LONRF3: variants seen among roughly 807,000 people sequenced by gnomAD.
LONRF3 encodes LON peptidase N-terminal domain and ring finger 3.
A neutral mutation model predicts 51.7 loss-of-function variants in LONRF3; 19 were observed. That is an observed-to-expected ratio of 0.37 (90% CI 0.26 to 0.54). The LOEUF (loss-of-function observed/expected upper bound fraction) is 0.54. Ranked by LOEUF, LONRF3 falls within the 20% of genes least tolerant of loss-of-function variation. LONRF3 has a pLI of 0.86. For missense variants in LONRF3, 521 were observed against 623.9 expected (o/e 0.84, Z 1.76); for synonymous variants, 265 against 257.8 (o/e 1.03, Z -0.27).
intron 2 of LONRF3, among the ~76,000 whole-genome samples, chrX:118,982,461 A>C (rs927372834): frequency 9.9e-5 from 11 of 111,549 alleles, no homozygotes; most frequent in African/African-American, 3.6e-4. Context: ...GCTGGTTAGC[A>C]TGTGGTCAAA....
intron 3 of LONRF3, 125 bp downstream of exon 3, chrX:118,983,068 T>C: frequency 1.4e-6 from 1 of 694,389 alleles, no homozygotes; most frequent in Non-Finnish European, 2.1e-6. Flanking sequence ...GTTCCCTGGG[T>C]TAAGGGGACA....
chrX:118,986,419 G>T (rs1922971337), intron 3 of LONRF3, among the ~76,000 whole-genome samples: 1 of 111,538 alleles, frequency 9.0e-6, no homozygotes, highest in South Asian at 3.8e-4. Flanking sequence ...GAAGCAAAAT[G>T]GGTAGTGGAG....
At chrX:118,993,105 C>A (rs1339186621) in intron 5 of LONRF3, among the ~76,000 whole-genome samples, 1 of 89,442 alleles carries the variant, frequency 1.1e-5, no homozygotes, top group Non-Finnish European at 2.2e-5. Flanking sequence ...TATGACAAAA[C>A]AAGGTTATTC....
intron 5 of LONRF3, among the ~76,000 whole-genome samples, chrX:118,998,525 T>C (rs1419445644): frequency 1.8e-5 from 2 of 110,912 alleles, no homozygotes; most frequent in African/African-American, 6.6e-5. Context: ...GCTCGGGTGA[T>C]GGTGCACCAA....
At chrX:118,984,551 T>C (rs780665519) in intron 3 of LONRF3, among the ~76,000 whole-genome samples, 1 of 112,274 alleles carries the variant, frequency 8.9e-6, no homozygotes, top group East Asian at 2.8e-4. Flanking sequence ...TCCAGTCTGC[T>C]TTTATAGAGA....
Position 119,009,288 on chromosome X carries a change from G to A in LONRF3, c.1652+41G>A, listed in dbSNP as rs148508913. On this transcript the variant is annotated intron_variant, in intron 7 of 10. Transcript: ENST00000371628. ...TTTCTGTTTTGTTTCACTCATACCA[G>A]CTCAATGAGAGCTGAATGTGCACAT... 388 of 1,141,559 alleles carry A rather than the reference G, an allele frequency of 3.4e-4. 3 individuals carry two copies. In the East Asian group the frequency reaches 0.012, roughly 35 times the overall value. The allele number at this position is 1,141,559 out of a possible 1,213,427, so 94.1% of individuals were successfully genotyped here.
chrX:119,004,046 C>A (rs1302267120), intron 5 of LONRF3, among the ~76,000 whole-genome samples: 1 of 111,132 alleles, frequency 9.0e-6, no homozygotes, highest in Non-Finnish European at 1.9e-5. Flanking sequence ...TTTGTAGATT[C>A]TTTTAGATTT....
rs372886535 is a variant in LONRF3 at position 118,979,659 on chromosome X, T to G, written c.936+1196T>G. 5.4e-5 allele frequency among the ~76,000 whole-genome samples: 6 copies of G among 111,897 alleles called. No homozygotes were observed. The East Asian group carries it at 1.7e-3, about 31-fold the overall frequency. On this transcript the variant is annotated intron_variant, in intron 2 of 10. Coordinates refer to ENST00000371628, the MANE Select transcript of LONRF3 (RefSeq NM_001031855.3). ...ATTAGAAAGAGGAAGGTGAGAGTGG[T>G]GTTGCTGCCCTGGTGCTCCTGAACC...
chrX:118,990,540 T>C lies in LONRF3; in HGVS notation c.1395T>C (p.Leu465=). ...TTGCATCTTTCGACGCATCTGACCT[T>C]GAATGCGCTCTATGTATGAGGTACG... The part of the protein sequence containing the change: ...LPLASFDASD[L]ECALCMRLFY... The change falls in exon 5 of 11, where the codon CTT becomes CTC. Residue 465 remains leucine, a synonymous_variant. Coordinates refer to ENST00000371628, the MANE Select transcript of LONRF3 (RefSeq NM_001031855.3). The C allele has an allele frequency of 8.3e-7, 1 of 1,205,244 alleles. No individual in the cohort carries two copies. Among genetic ancestry groups the C allele is most frequent in the South Asian group, 1.8e-5 (1 of 56,815 alleles).
chrX:118,989,375 A>G, intron 3 of LONRF3, 33 bp from the exon 4 acceptor site: 1 of 1,203,143 alleles, frequency 8.3e-7, no homozygotes. Context: ...TAGTCCTAAG[A>G]AGATTCTGAT....
chrX:118,997,852 G>T (rs752690523), intron 5 of LONRF3, among the ~76,000 whole-genome samples: 1 of 112,442 alleles, frequency 8.9e-6, no homozygotes, highest in African/African-American at 3.2e-5. Context: ...ATACACAAAT[G>T]GCCAACAAAC....
intron 5 of LONRF3, among the ~76,000 whole-genome samples, chrX:118,993,093 A>G (rs1011344857): frequency 1.0e-5 from 1 of 100,218 alleles, no homozygotes; most frequent in African/African-American, 3.9e-5. Context: ...CAACCGTGGT[A>G]ATATGACAAA....
At position 118,975,195 on chromosome X, in the gene LONRF3, G is replaced by A; in HGVS notation, c.415G>A (p.Glu139Lys). 8.5e-7 allele frequency: 1 copy of A among 1,181,956 alleles called. No homozygotes were observed. Among genetic ancestry groups the A allele is most frequent in the Non-Finnish European group, 1.1e-6 (1 of 881,581 alleles). ...CACTGCAAGCGGCACCGTGGCGGCG[G>A]AAGAGACGGGGGCCGCCGCGGCTGC... ...GSTASGTVAA[E>K]ETGAAAAAAA... The change falls in exon 1 of 11, where the codon GAA becomes AAA. Residue 139 changes from glutamate to lysine, a missense_variant. Glu to Lys is a moderately conservative substitution (Grantham distance 56, BLOSUM62 1). Transcript: ENST00000371628.
Position 119,011,890 on chromosome X carries a change from G to A in LONRF3, c.1728G>A (p.Glu576=), listed in dbSNP as rs148556587. 2,445 of 1,210,157 alleles carry A rather than the reference G, an allele frequency of 2.0e-3. 7 individuals carry two copies. Among genetic ancestry groups the A allele is most frequent in the Middle Eastern group, 3.7e-3 (16 of 4,355 alleles). The change falls in exon 8 of 11, where the codon GAG becomes GAA. Residue 576 remains glutamate, a synonymous_variant. Transcript: ENST00000371628. ...PTVPCPLHIF[E]PCYRLMIRRC... ...TTCCTTGTCCCCTGCACATCTTTGA[G>A]CCTTGTTACCGCCTGATGATTCGTA...
rs1925556346 is a variant in LONRF3 at position 119,017,729 on chromosome X, T to C, written c.*39T>C. ...GAAGAGGAGCTCCCACCTTCCCCAC[T>C]GCCGTCGGGGGGAGTCTTCTTGTAA... On this transcript the variant is annotated 3_prime_UTR_variant, in exon 11 of 11. Coordinates refer to ENST00000371628, the MANE Select transcript of LONRF3 (RefSeq NM_001031855.3). 4 of 1,132,778 alleles carry C rather than the reference T, an allele frequency of 3.5e-6. No individual in the cohort carries two copies. The highest frequency in any genetic ancestry group is 4.7e-6 in the Non-Finnish European group (4 of 847,790). The allele number at this position is 1,132,778 out of a possible 1,213,427, so 93.4% of individuals were successfully genotyped here.
At chrX:118,991,263 A>T (rs1403344051) in intron 5 of LONRF3, among the ~76,000 whole-genome samples, 3 of 111,972 alleles carry the variant, frequency 2.7e-5, no homozygotes. Flanking sequence ...CACCTGCCTT[A>T]TTCCAACCTG....
intron 5 of LONRF3, among the ~76,000 whole-genome samples, chrX:119,003,436 C>T: frequency 8.9e-6 from 1 of 112,058 alleles, no homozygotes; most frequent in Non-Finnish European, 1.9e-5. Context: ...TCATTTCCCC[C>T]TATAGATAGC....
At chrX:118,994,335 GA>G (rs1004940398) in intron 5 of LONRF3, among the ~76,000 whole-genome samples, 2 of 110,983 alleles carry the variant, frequency 1.8e-5, no homozygotes, top group African/African-American at 6.6e-5. Context: ...GTAAAGGGGT[GA>G]AAAAAAGGCG....
Position 119,017,773 on chromosome X carries a change from A to G in LONRF3, c.*83A>G. ...CTTGTAAATATATCTAATTGCAATA[A>G]TATCTTAACAGAAGGGGGTGTCAAA... is the stretch of plus-strand genomic sequence containing the variant. On this transcript the variant is annotated 3_prime_UTR_variant, in exon 11 of 11. Transcript: ENST00000371628. 1 of 919,635 alleles carries G rather than the reference A, an allele frequency of 1.1e-6. No homozygotes were observed. Among genetic ancestry groups the G allele is most frequent in the Non-Finnish European group, 1.5e-6 (1 of 677,725 alleles). The allele number at this position is 919,635 out of a possible 1,213,427, so 75.8% of individuals were successfully genotyped here. A position where few individuals can be genotyped will look rare whatever the true frequency, so the allele number is the denominator to read the frequency against.
Sources: allele counts gnomAD v4.1 joint callset (sites outside exome capture counted in the v4.1 genomes callset), GRCh38; gene constraint gnomAD v4.1.1; transcripts MANE v1.5; gene names NCBI Gene and HGNC (gene_info 2026-07-23, HGNC 2026-07-21).